The following ZNF605 variants were observed in gnomAD, a reference collection of about 807,000 sequenced individuals.
ZNF605 encodes the protein zinc finger protein 605.
Under a neutral mutation model 7.9 loss-of-function variants are expected in ZNF605, and 9 were observed. The observed-to-expected ratio is 1.14, with a 90% confidence interval of 0.68 to 1.98. ZNF605 has a LOEUF of 1.98. Among genes scored for constraint, ZNF605 ranks in the 30% most tolerant of loss-of-function variants. ZNF605 has a pLI of 0.00. For missense variants in ZNF605, 673 were observed against 762.4 expected, an observed-to-expected ratio of 0.88 and a Z score of 1.38; for synonymous variants, 255 against 260.1, an observed-to-expected ratio of 0.98 and a Z score of 0.19.
At chr12:132,955,757 C>G (rs1952630484) in intron 1 of ZNF605, among the ~76,000 whole-genome samples, 1 of 152,040 alleles carries the variant, frequency 6.6e-6, no homozygotes, top group African/African-American at 2.4e-5. Flanking sequence ...GCCTCCAATG[C>G]TCACCCAAAG....
intron 3 of ZNF605, among the ~76,000 whole-genome samples, chr12:132,935,209 T>C (rs1290195115): frequency 6.6e-6 from 1 of 152,002 alleles, no homozygotes; most frequent in African/African-American, 2.4e-5. Context: ...AAGCTTAGAA[T>C]AAGCCCAAGC....
chr12:132,950,812 GAC>G (rs1220522009), intron 1 of ZNF605, among the ~76,000 whole-genome samples: 31 of 149,960 alleles, frequency 2.1e-4, no homozygotes, highest in African/African-American at 5.9e-4. Flanking sequence ...CATACACAGA[GAC>G]ATGTACACAC....
intron 3 of ZNF605, among the ~76,000 whole-genome samples, chr12:132,940,458 G>A (rs888808842): frequency 2.0e-5 from 3 of 152,174 alleles, no homozygotes; most frequent in African/African-American, 4.8e-5. Flanking sequence ...CACAACGGAC[G>A]TGGTGTACAG....
rs973580168 is a variant in ZNF605, at chr12:132,920,532, G to A, written c.*4841C>T. The A allele has an allele frequency of 2.0e-5, 3 of 152,176 alleles. No homozygotes were observed. Among genetic ancestry groups the A allele is most frequent in the Admixed American group, 1.3e-4 (2 of 15,280 alleles). 9.4% of individuals were successfully genotyped at this position (152,176 alleles called of 1,614,324 possible). ...TCTAAGTTGCAAAGATCCCATAAGG[G>A]AAATAAAGAATTATTAAATATCATC... On this transcript the variant is annotated 3_prime_UTR_variant, in exon 5 of 5. Coordinates refer to ENST00000360187, the MANE Select transcript of ZNF605 (RefSeq NM_183238.4).
Position 132,927,091 on chromosome 12 carries a change from G to T in ZNF605, c.208C>A (p.His70Asn), listed in dbSNP as rs1593580106. ...ATTTTTCCAAAAACATCATATTTAT[G>T]GCCTCTCTCCATACTTTTAAGGTTG... ...QDNLKSMERGHKYDVFGKIFN... is the reference protein window; with the variant it reads ...QDNLKSMERGNKYDVFGKIFN... Residue 70 changes from histidine to asparagine, a missense_variant, in exon 5 of 5, where the codon CAT becomes AAT. By Grantham distance (68) the His-to-Asn change is moderately conservative. Transcript: ENST00000360187. 8 of 1,598,806 alleles carry T rather than the reference G, an allele frequency of 5.0e-6. No individual in the cohort carries two copies. The highest frequency in any genetic ancestry group is 6.8e-6 in the Non-Finnish European group (8 of 1,179,378).
intron 3 of ZNF605, among the ~76,000 whole-genome samples, chr12:132,938,766 C>G (rs374089577): frequency 6.6e-6 from 1 of 152,064 alleles, no homozygotes; most frequent in African/African-American, 2.4e-5. Flanking sequence ...GAGGCACGAG[C>G]GGGAACCGGG....
Position 132,922,341 on chromosome 12 carries a change from T to C in ZNF605, c.*3032A>G, listed in dbSNP as rs2137120034. On this transcript the variant is annotated 3_prime_UTR_variant, in exon 5 of 5. Coordinates refer to ENST00000360187, the MANE Select transcript of ZNF605 (RefSeq NM_183238.4). ...GTCTTTCTATTACTGAAGAGGAGCTTAGTAATAACTGCAAGTCTATTTATA... is the reference window on the plus strand; with the variant it reads ...GTCTTTCTATTACTGAAGAGGAGCTCAGTAATAACTGCAAGTCTATTTATA... 1.3e-5 allele frequency: 2 copies of C among 152,330 alleles called. No homozygotes were observed. Among genetic ancestry groups the C allele is most frequent in the Middle Eastern group, 6.8e-3 (2 of 294 alleles). 9.4% of individuals were successfully genotyped at this position (152,330 alleles called of 1,614,324 possible). A position where few individuals can be genotyped will look rare whatever the true frequency, so the allele number is the denominator to read the frequency against.
intron 4 of ZNF605, chr12:132,932,666 C>T (rs1952319928): frequency 7.9e-7 from 1 of 1,270,284 alleles, no homozygotes; most frequent in Non-Finnish European, 1.1e-6. Flanking sequence ...CATCAAAAAC[C>T]TGAGATAAAA....
intron 4 of ZNF605, among the ~76,000 whole-genome samples, chr12:132,931,477 G>A (rs1952308923): frequency 6.6e-6 from 1 of 152,200 alleles, no homozygotes; most frequent in Non-Finnish European, 1.5e-5. Flanking sequence ...AGAGAAAGCT[G>A]TGAGTCAAGG....
rs983909734 is a variant in ZNF605 at position 132,918,538 on chromosome 12, C to T, written c.*6835G>A. On this transcript the variant is annotated 3_prime_UTR_variant, in exon 5 of 5. Coordinates refer to ENST00000360187, the MANE Select transcript of ZNF605 (RefSeq NM_183238.4). ...ATGCTCCTCACAGAATGAAAAACAGCTGCTCATTTTCAGTTAGCTATTAGC... is the reference window on the plus strand; with the variant it reads ...ATGCTCCTCACAGAATGAAAAACAGTTGCTCATTTTCAGTTAGCTATTAGC... 6.6e-6 allele frequency: 1 copy of T among 152,290 alleles called. No homozygotes were observed. The highest frequency in any genetic ancestry group is 1.5e-5 in the Non-Finnish European group (1 of 68,094). The allele number at this position is 152,290 out of a possible 1,614,324, so 9.4% of individuals were successfully genotyped here. A position where few individuals can be genotyped will look rare whatever the true frequency, so the allele number is the denominator to read the frequency against.
intron 1 of ZNF605, 109 bp from the exon 2 acceptor site, chr12:132,948,379 C>T (rs1382937598): frequency 1.3e-5 from 2 of 151,882 alleles, no homozygotes; most frequent in Admixed American, 6.6e-5. Flanking sequence ...CAGCACTTGC[C>T]ATCTACACCT....
chr12:132,928,067 T>A (rs1179893186), intron 4 of ZNF605, among the ~76,000 whole-genome samples: 1 of 152,220 alleles, frequency 6.6e-6, no homozygotes, highest in Non-Finnish European at 1.5e-5. Context: ...TTAGTTTACT[T>A]TTTTGACAAT....
intron 3 of ZNF605, chr12:132,945,368 T>A: frequency 7.5e-7 from 1 of 1,330,352 alleles, no homozygotes; most frequent in South Asian, 1.2e-5. Flanking sequence ...CTTCTGTGTG[T>A]TGCAGAGATT....
chr12:132,931,961 C>T (rs1404647588), intron 4 of ZNF605, among the ~76,000 whole-genome samples: 5 of 152,134 alleles, frequency 3.3e-5, no homozygotes, highest in Non-Finnish European at 7.3e-5. Context: ...TTTTTAGAGA[C>T]AGGGTCTCAC....
Position 132,926,858 on chromosome 12 carries a change from T to G in ZNF605, c.441A>C (p.Thr147=). 6.2e-7 allele frequency: 1 copy of G among 1,614,230 alleles called. No individual in the cohort carries two copies. The highest frequency in any genetic ancestry group is 8.5e-7 in the Non-Finnish European group (1 of 1,180,046). The stretch of plus-strand genomic sequence containing the variant: ...GCTCTTCGTTGCTGGATTTTCTACA[T>G]GTACTGCAATCACAGTATTTTATCC... The part of the protein sequence containing the change: ...HGGIKYCDCS[T]CRKSSNEEPW... The change falls in exon 5 of 5, where the codon ACA becomes ACC. Residue 147 remains threonine, a synonymous_variant. Transcript: ENST00000360187.
At chr12:132,940,922 C>T (rs372126551) in intron 3 of ZNF605, among the ~76,000 whole-genome samples, 1,588 of 147,500 alleles carry the variant, frequency 0.011, 30 homozygotes, top group African/African-American at 0.036. Context: ...TCCCCTGTGT[C>T]TACTGGCCCC....
intron 3 of ZNF605, among the ~76,000 whole-genome samples, chr12:132,938,278 C>A (rs1031914539): frequency 1.3e-5 from 2 of 151,824 alleles, no homozygotes; most frequent in Non-Finnish European, 1.5e-5. Context: ...CTGTGCCAGG[C>A]CGATCCCATT....
intron 3 of ZNF605, among the ~76,000 whole-genome samples, chr12:132,944,188 C>A (rs1423924699): frequency 2.6e-5 from 4 of 151,928 alleles, no homozygotes; most frequent in African/African-American, 9.7e-5. Context: ...GAATGCCCTG[C>A]TCTGCCTATG....
At chr12:132,952,784 G>C (rs1388740001) in intron 1 of ZNF605, among the ~76,000 whole-genome samples, 2 of 152,038 alleles carry the variant, frequency 1.3e-5, no homozygotes, top group African/African-American at 2.4e-5. Context: ...TAAAAAGAGT[G>C]ATCACTGATC....
Sources: allele counts gnomAD v4.1 joint callset (sites outside exome capture counted in the v4.1 genomes callset), GRCh38; gene constraint gnomAD v4.1.1; transcripts MANE v1.5; gene names NCBI Gene and HGNC (gene_info 2026-07-23, HGNC 2026-07-21).